TTC7B: variants seen among roughly 807,000 people sequenced by gnomAD.
TTC7B encodes tetratricopeptide repeat protein 7B.
Under a neutral mutation model 106.8 loss-of-function variants are expected in TTC7B, and 28 were observed. That is an observed-to-expected ratio of 0.26 (90% CI 0.19 to 0.36). The LOEUF is 0.36. Ranked by LOEUF, TTC7B falls within the 10% of genes least tolerant of loss-of-function variation. The pLI, the probability that TTC7B is intolerant of heterozygous loss-of-function variation, is 1.00. For missense variants in TTC7B, 862 were observed against 1,076.4 expected, an observed-to-expected ratio of 0.80 and a Z score of 2.79; for synonymous variants, 405 against 430.6, an observed-to-expected ratio of 0.94 and a Z score of 0.74.
chr14:90,589,264 TAC>T (rs1555378094), intron 18 of TTC7B, among the ~76,000 whole-genome samples: 1 of 152,142 alleles, frequency 6.6e-6, no homozygotes, highest in Non-Finnish European at 1.5e-5. Context: ...TAAAAAAAAA[TAC>T]ACAGTCAGCC....
At chr14:90,811,823 A>T (rs961000685) in intron 1 of TTC7B, among the ~76,000 whole-genome samples, 13 of 152,322 alleles carry the variant, frequency 8.5e-5, no homozygotes, top group African/African-American at 3.1e-4. Flanking sequence ...GAGCTTGCCT[A>T]AGAAGATTAA....
rs554462960 is a variant in TTC7B at position 90,527,000 on chromosome 14, A to C, written c.*14368T>G. 1 of 152,150 alleles carries C rather than the reference A, an allele frequency of 6.6e-6. No individual in the cohort carries two copies. Among genetic ancestry groups the C allele is most frequent in the Non-Finnish European group, 1.5e-5 (1 of 68,026 alleles). 9.4% of individuals were successfully genotyped at this position (152,150 alleles called of 1,614,324 possible). A position where few individuals can be genotyped will look rare whatever the true frequency, so the allele number is the denominator to read the frequency against. On this transcript the variant is annotated 3_prime_UTR_variant, in exon 20 of 20. Coordinates refer to ENST00000328459, the MANE Select transcript of TTC7B (RefSeq NM_001010854.2). ...CTTCTCTGGTTTTCGTCAGTTTCTT[A>C]GACTTTTCTTTTTCATGCTCTTGGT...
intron 18 of TTC7B, among the ~76,000 whole-genome samples, chr14:90,581,247 C>A (rs552578081): frequency 6.6e-6 from 1 of 152,170 alleles, no homozygotes; most frequent in Non-Finnish European, 1.5e-5. Flanking sequence ...TGAAGGTGAC[C>A]GCCCAGCCAT....
At position 90,618,060 on chromosome 14, in the gene TTC7B, C is replaced by T; in HGVS notation, c.1752-15G>A. The T allele has an allele frequency of 1.3e-6, 2 of 1,594,320 alleles. No homozygotes were observed. Among genetic ancestry groups the T allele is most frequent in the South Asian group, 1.1e-5 (1 of 90,644 alleles). ...AAAACAGTAGTCTGCAGTGGGGAGA[C>T]AAAGGGAGAAAACACCACGGCTCAA... On this transcript the variant is annotated splice_polypyrimidine_tract_variant and intron_variant, in intron 15 of 19. Coordinates refer to ENST00000328459, the MANE Select transcript of TTC7B (RefSeq NM_001010854.2).
chr14:90,571,877 A>G (rs898811633), intron 19 of TTC7B, among the ~76,000 whole-genome samples: 2 of 152,218 alleles, frequency 1.3e-5, no homozygotes, highest in African/African-American at 4.8e-5. Flanking sequence ...GGTAGCCCTC[A>G]CTAGGCTGAT....
chr14:90,644,262 C>A (rs1480070021), intron 14 of TTC7B, 54 bp from the exon 15 acceptor site: 1 of 1,296,480 alleles, frequency 7.7e-7, no homozygotes, highest in Non-Finnish European at 1.0e-6. Context: ...CACACGCACA[C>A]ACACACACAC....
chr14:90,803,138 G>A (rs754530838), intron 1 of TTC7B, among the ~76,000 whole-genome samples: 3 of 150,292 alleles, frequency 2.0e-5, no homozygotes, highest in South Asian at 2.1e-4. Flanking sequence ...GCGAGACTCC[G>A]ATGCAAAAAA....
intron 3 of TTC7B, among the ~76,000 whole-genome samples, chr14:90,761,709 T>C (rs1890508447): frequency 6.6e-6 from 1 of 152,222 alleles, no homozygotes; most frequent in Admixed American, 6.5e-5. Context: ...TTTGACAACA[T>C]CATTACCTGC....
Position 90,567,319 on chromosome 14 carries a change from C to T in TTC7B, c.2310+10787G>A, listed in dbSNP as rs547557889. Among the ~76,000 whole-genome samples, 9 of 152,364 alleles carry T rather than the reference C, an allele frequency of 5.9e-5. No individual in the cohort carries two copies. The South Asian group carries it at 1.7e-3, about 28-fold the overall frequency. On this transcript the variant is annotated intron_variant, in intron 19 of 19. Transcript: ENST00000328459. ...CAGGCACGTCCTGGGCTCAGGGCAG[C>T]TGTGAGTGCAGGCATGCCACACAGC... is the stretch of plus-strand genomic sequence containing the variant.
intron 3 of TTC7B, among the ~76,000 whole-genome samples, chr14:90,748,446 A>C (rs985267149): frequency 6.6e-6 from 1 of 152,078 alleles, no homozygotes. Context: ...CTCGTGCCTC[A>C]GCCTCCCAGT....
At position 90,674,248 on chromosome 14, in the gene TTC7B, A is replaced by G. The variant is rs568547041; in HGVS notation, c.1152+2275T>C. Among the ~76,000 whole-genome samples the G allele has an allele frequency of 3.3e-5, 5 of 152,362 alleles. No individual in the cohort carries two copies. In the East Asian group the frequency reaches 7.7e-4, roughly 23 times the overall value. On this transcript the variant is annotated intron_variant, in intron 9 of 19. Coordinates refer to ENST00000328459, the MANE Select transcript of TTC7B (RefSeq NM_001010854.2). Reference sequence around the variant, plus strand: ...CCCAGAGTAGGATGTGGCCTCGGACAGAGGGAGGGAGAGAGGGCCCACACT... The same window carrying G: ...CCCAGAGTAGGATGTGGCCTCGGACGGAGGGAGGGAGAGAGGGCCCACACT...
At chr14:90,776,886 G>T (rs996645189) in intron 3 of TTC7B, among the ~76,000 whole-genome samples, 1 of 152,174 alleles carries the variant, frequency 6.6e-6, no homozygotes, top group Non-Finnish European at 1.5e-5. Context: ...TGTGCCCCAG[G>T]TTTCTTTTCT....
In TTC7B at chr14:90,549,878, C is replaced by T. The variant is rs922716340; in HGVS notation, c.2311-8289G>A. Among the ~76,000 whole-genome samples, 7 of 152,142 alleles carry T rather than the reference C, an allele frequency of 4.6e-5. No individual in the cohort carries two copies. The East Asian group carries it at 7.7e-4, about 17-fold the overall frequency. ...TAGCAGATCGCCCAGCATATTTGTA[C>T]GCCTTCAGTGGGTGGCAGCTCTCAG... On this transcript the variant is annotated intron_variant, in intron 19 of 19. Coordinates refer to ENST00000328459, the MANE Select transcript of TTC7B (RefSeq NM_001010854.2).
intron 6 of TTC7B, among the ~76,000 whole-genome samples, chr14:90,690,933 C>T (rs1267910993): frequency 6.6e-6 from 1 of 152,126 alleles, no homozygotes; most frequent in Admixed American, 6.5e-5. Flanking sequence ...CCAAGTAAGA[C>T]CCATTGGCAT....
chr14:90,713,949 C>T (rs756095498), intron 5 of TTC7B, among the ~76,000 whole-genome samples: 2 of 152,126 alleles, frequency 1.3e-5, no homozygotes, highest in Non-Finnish European at 2.9e-5. Flanking sequence ...AGACACAGGC[C>T]GGGTGCGGTG....
At chr14:90,733,338 G>A (rs1344941474) in intron 4 of TTC7B, among the ~76,000 whole-genome samples, 7 of 152,020 alleles carry the variant, frequency 4.6e-5, no homozygotes, top group Non-Finnish European at 7.4e-5. Context: ...CAGAAACCCA[G>A]ATCCCCCTGA....
chr14:90,745,062 A>G (rs1166325606), intron 3 of TTC7B, 140 bp from the exon 4 acceptor site: 6 of 808,766 alleles, frequency 7.4e-6, no homozygotes, highest in Admixed American at 2.7e-5. Flanking sequence ...CTCCTTTTCA[A>G]TCTGGATGCT....
In TTC7B at chr14:90,808,422, G is replaced by T. The variant is rs1361625974; in HGVS notation, c.121+7753C>A. Reference sequence around the variant, plus strand: ...CAGATGATCATGTGATGTGTACAAGGTGGCTTGGAGGGCAAATGCAGAAGA... The same window carrying T: ...CAGATGATCATGTGATGTGTACAAGTTGGCTTGGAGGGCAAATGCAGAAGA... On this transcript the variant is annotated intron_variant, in intron 1 of 19. Transcript: ENST00000328459. The surrounding 1 kb of genome is among the most constrained non-coding windows in gnomAD (Gnocchi z 4.2). 6.6e-6 allele frequency among the ~76,000 whole-genome samples: 1 copy of T among 152,206 alleles called. No homozygotes were observed. Among genetic ancestry groups the T allele is most frequent in the Non-Finnish European group, 1.5e-5 (1 of 68,034 alleles).
At chr14:90,609,060 C>T (rs1175083704) in intron 17 of TTC7B, among the ~76,000 whole-genome samples, 4 of 152,198 alleles carry the variant, frequency 2.6e-5, no homozygotes, top group African/African-American at 4.8e-5. Flanking sequence ...GTGGCTAGTC[C>T]TGACAGCCTG....
Sources: allele counts gnomAD v4.1 joint callset (sites outside exome capture counted in the v4.1 genomes callset), GRCh38; gene constraint gnomAD v4.1.1; non-coding constraint Gnocchi (gnomAD v3.1); transcripts MANE v1.5; gene names NCBI Gene and HGNC (gene_info 2026-07-23, HGNC 2026-07-21).